DOK5: variants seen among roughly 807,000 people sequenced by gnomAD.
DOK5 encodes the protein docking protein 5, also known as downstream of tyrosine kinase 5.
DOK5 carries 27 observed loss-of-function variants against 43.3 expected under a neutral mutation model. That is an observed-to-expected ratio of 0.62 (90% confidence interval 0.46 to 0.86). The LOEUF is 0.86. Ranked by LOEUF, DOK5 falls within the 40% of genes least tolerant of loss-of-function variation. The pLI, the probability that DOK5 is intolerant of heterozygous loss-of-function variation, is 0.00. For synonymous variants in DOK5, 146 were observed against 140.1 expected (o/e 1.04, Z -0.30); for missense variants, 373 against 392.9 (o/e 0.95, Z 0.43).
In DOK5 at chr20:54,610,428, C is replaced by G. The variant is rs746485155; in HGVS notation, c.640C>G (p.Arg214Gly). The change falls in exon 6 of 8, where the codon CGA becomes GGA. Residue 214 changes from arginine (R) to glycine (G), a missense_variant. Coordinates refer to ENST00000262593, the MANE Select transcript of DOK5 (RefSeq NM_018431.5). ...TGEGLFIFQT[R>G]DGEAIYQKVH... is the part of the protein sequence containing the mutation. ...TGAAGGGCTGTTTATCTTTCAGACC[C>G]GAGACGGGGAGGCCATCTATCAGAA... 7.5e-6 allele frequency: 12 copies of G among 1,597,942 alleles called. No homozygotes were observed. Among genetic ancestry groups the G allele is most frequent in the Non-Finnish European group, 9.4e-6 (11 of 1,172,580 alleles).
chr20:54,649,384 T>G (rs765600966), intron 7 of DOK5, among the ~76,000 whole-genome samples: 1 of 152,060 alleles, frequency 6.6e-6, no homozygotes, highest in Non-Finnish European at 1.5e-5. Flanking sequence ...ATCACGCCAC[T>G]GCACTGCAGC....
chr20:54,498,096 C>A (rs1166413107), intron 1 of DOK5, among the ~76,000 whole-genome samples: 2 of 152,036 alleles, frequency 1.3e-5, no homozygotes, highest in African/African-American at 2.4e-5. Flanking sequence ...TCTTTTGGGA[C>A]CTTGGAGAGC....
rs1348452373 is a variant in DOK5 at position 54,475,936 on chromosome 20, G to A, written c.-11G>A. 6.2e-7 allele frequency: 1 copy of A among 1,612,918 alleles called. No individual in the cohort carries two copies. Among genetic ancestry groups the A allele is most frequent in the African/African-American group, 1.3e-5 (1 of 74,910 alleles). On this transcript the variant is annotated 5_prime_UTR_variant, in exon 1 of 8. Transcript: ENST00000262593. This position sits in a 1 kb window ranked among gnomAD's most constrained non-coding sequence, Gnocchi z 4.2. ...GCTCTTGGGTAAAGGGGGGGTCACC[G>A]GCTGTCTGGGATGGCTTCCAATTTT...
At chr20:54,612,622 G>C (rs1188999966) in intron 6 of DOK5, among the ~76,000 whole-genome samples, 1 of 152,172 alleles carries the variant, frequency 6.6e-6, no homozygotes, top group Non-Finnish European at 1.5e-5. Flanking sequence ...CTTGAGTTGG[G>C]ACATTGGTCT....
chr20:54,578,565 C>T (rs75749079), intron 2 of DOK5, among the ~76,000 whole-genome samples: 3,251 of 152,196 alleles, frequency 0.021, 34 homozygotes, highest in Middle Eastern at 0.031. Context: ...GCAGAAAGAT[C>T]GTGTGCAAGG....
intron 2 of DOK5, among the ~76,000 whole-genome samples, chr20:54,567,900 T>A (rs932707043): frequency 6.6e-6 from 1 of 152,198 alleles, no homozygotes; most frequent in African/African-American, 2.4e-5. Flanking sequence ...TGTGTTTTAT[T>A]ACATTTATAC....
chr20:54,558,999 C>T (rs1257477502), intron 2 of DOK5, among the ~76,000 whole-genome samples: 1 of 152,106 alleles, frequency 6.6e-6, no homozygotes, highest in Non-Finnish European at 1.5e-5. Flanking sequence ...TTACTTCCTC[C>T]ACGAAGCACC....
intron 6 of DOK5, among the ~76,000 whole-genome samples, chr20:54,625,458 G>T (rs781497387): frequency 6.6e-6 from 1 of 152,272 alleles, no homozygotes; most frequent in East Asian, 1.9e-4. Flanking sequence ...CATTTGGAAC[G>T]GAGTAGATTT....
At chr20:54,569,221 G>A (rs1019941796) in intron 2 of DOK5, among the ~76,000 whole-genome samples, 4 of 152,154 alleles carry the variant, frequency 2.6e-5, no homozygotes, top group South Asian at 2.1e-4. Flanking sequence ...CATTTGGTGA[G>A]CCTGTGGTTC....
intron 1 of DOK5, among the ~76,000 whole-genome samples, chr20:54,500,858 G>A (rs759289627): frequency 1.2e-4 from 18 of 152,016 alleles, no homozygotes; most frequent in African/African-American, 1.7e-4. Flanking sequence ...AACCGCACCC[G>A]GCCGTGTATA....
At chr20:54,517,759 C>T (rs1299110100) in intron 1 of DOK5, among the ~76,000 whole-genome samples, 1 of 152,084 alleles carries the variant, frequency 6.6e-6, no homozygotes, top group Non-Finnish European at 1.5e-5. Context: ...GTGATGAAGT[C>T]ATGAATCACA....
chr20:54,588,336 C>T (rs572772307), intron 2 of DOK5, 147 bp from the exon 3 acceptor site: 2 of 646,890 alleles, frequency 3.1e-6, no homozygotes, highest in Non-Finnish European at 5.5e-6. Context: ...CACTTAAATA[C>T]ATCTTAGCTT....
At chr20:54,630,109 C>G (rs1410643473) in intron 6 of DOK5, among the ~76,000 whole-genome samples, 1 of 152,122 alleles carries the variant, frequency 6.6e-6, no homozygotes, top group Admixed American at 6.5e-5. Flanking sequence ...TGTTTGGAAA[C>G]GACTGGGGGT....
At chr20:54,545,058 A>G (rs1466535426) in intron 1 of DOK5, among the ~76,000 whole-genome samples, 1 of 152,146 alleles carries the variant, frequency 6.6e-6, no homozygotes, top group African/African-American at 2.4e-5. Flanking sequence ...TTAACCTATA[A>G]ACTAAATTTC....
chr20:54,534,906 G>C (rs1371774019), intron 1 of DOK5, among the ~76,000 whole-genome samples: 4 of 150,912 alleles, frequency 2.7e-5, no homozygotes, highest in African/African-American at 7.4e-5. Context: ...GCACGATCTC[G>C]GCTCACTCCA....
chr20:54,528,849 TA>T (rs983507176), intron 1 of DOK5, among the ~76,000 whole-genome samples: 16 of 150,758 alleles, frequency 1.1e-4, no homozygotes, highest in East Asian at 3.9e-4. Flanking sequence ...AATAATGAGT[TA>T]AAAAAAAAGC....
intron 1 of DOK5, among the ~76,000 whole-genome samples, chr20:54,514,907 T>A (rs1181032438): frequency 6.6e-6 from 1 of 151,778 alleles, no homozygotes. Context: ...GTCCCTCCCT[T>A]CTTCTCTTCT....
chr20:54,584,772 T>TACAC (rs1303296109), intron 2 of DOK5, among the ~76,000 whole-genome samples: 1 of 132,520 alleles, frequency 7.5e-6, no homozygotes, highest in Non-Finnish European at 1.6e-5. Context: ...TATATCTAGA[T>TACAC]ATACACACAC....
At chr20:54,615,955 C>T (rs1234842074) in intron 6 of DOK5, among the ~76,000 whole-genome samples, 2 of 151,802 alleles carry the variant, frequency 1.3e-5, no homozygotes, top group Non-Finnish European at 2.9e-5. Context: ...AAGGAGCCAG[C>T]CCTGTTGATG....
Sources: gnomAD v4.1 joint callset for allele counts (sites outside exome capture counted in the v4.1 genomes callset) on GRCh38, gnomAD v4.1.1 for gene constraint, Gnocchi (gnomAD v3.1) non-coding constraint, MANE v1.5 for transcripts, NCBI Gene and HGNC (gene_info 2026-07-23, HGNC 2026-07-21) for gene names.